NFKB1: variants seen among roughly 807,000 people sequenced by gnomAD.
NFKB1 encodes nuclear factor kappa B subunit 1, also known as nuclear factor NF-kappa-B p105 subunit.
In NFKB1, 9 loss-of-function variants were observed where a neutral mutation model predicts 105.1. The observed-to-expected ratio is 0.09, with a 90% CI of 0.05 to 0.15. The LOEUF (loss-of-function observed/expected upper bound fraction) is 0.15. Ranked by LOEUF, NFKB1 falls within the 10% of genes least tolerant of loss-of-function variation. The pLI is 1.00. For synonymous variants in NFKB1, 440 were observed against 442.2 expected, an observed-to-expected ratio of 1.00 and a Z score of 0.06; for missense variants, 830 against 1,203.7, an observed-to-expected ratio of 0.69 and a Z score of 4.59.
intron 5 of NFKB1, among the ~76,000 whole-genome samples, chr4:102,560,528 A>G (rs920398278): frequency 6.6e-6 from 1 of 152,206 alleles, no homozygotes; most frequent in African/African-American, 2.4e-5. Flanking sequence ...AGGTGAAAGA[A>G]TGTCAGTGAA....
chr4:102,583,015 T>G, intron 10 of NFKB1, 58 bp downstream of exon 10: 1 of 1,219,638 alleles, frequency 8.2e-7, no homozygotes, highest in Non-Finnish European at 1.2e-6. Context: ...GATCTCACTC[T>G]GACACCCAGG....
chr4:102,616,591 T>A lies in NFKB1; in HGVS notation c.2907T>A (p.Ile969=), dbSNP rs1039785081. 6.2e-6 allele frequency: 10 copies of A among 1,613,576 alleles called. No individual in the cohort carries two copies. The highest frequency in any genetic ancestry group is 4.5e-5 in the East Asian group (2 of 44,890). ...AGGAAGGACCTCTAGAAGGCAAAAT[T>A]TAGCCTGCTGACAATTTCCCACACC... is the stretch of plus-strand genomic sequence containing the variant. The part of the protein sequence containing the change: ...YGQEGPLEGK[I] The change falls in exon 24 of 24, where the codon ATT becomes ATA. Residue 969 remains isoleucine (I), a synonymous_variant. Coordinates refer to ENST00000226574, the MANE Select transcript of NFKB1 (RefSeq NM_003998.4).
intron 18 of NFKB1, 72 bp from the exon 19 acceptor site, chr4:102,607,577 C>G (rs1309846912): frequency 6.8e-7 from 1 of 1,466,714 alleles, no homozygotes; most frequent in African/African-American, 1.4e-5. Flanking sequence ...AGGAGCCATG[C>G]ACACTGGGAG....
chr4:102,543,123 G>A (rs952446176), intron 5 of NFKB1, among the ~76,000 whole-genome samples: 16 of 152,120 alleles, frequency 1.1e-4, no homozygotes, highest in African/African-American at 3.9e-4. Context: ...ACTCAGCAAG[G>A]AGTGCCAGGG....
At chr4:102,609,963 T>C (rs569245399) in intron 19 of NFKB1, among the ~76,000 whole-genome samples, 1 of 152,162 alleles carries the variant, frequency 6.6e-6, no homozygotes, top group South Asian at 2.1e-4. Context: ...TGATGTTTTG[T>C]TTATTTGTTT....
At chr4:102,528,033 T>G (rs1741038503) in intron 2 of NFKB1, among the ~76,000 whole-genome samples, 1 of 152,174 alleles carries the variant, frequency 6.6e-6, no homozygotes, top group African/African-American at 2.4e-5. Context: ...TGGTGGTTTA[T>G]ATTTCCTAAA....
At chr4:102,538,751 C>T (rs986352941) in intron 5 of NFKB1, among the ~76,000 whole-genome samples, 1 of 152,128 alleles carries the variant, frequency 6.6e-6, no homozygotes, top group Non-Finnish European at 1.5e-5. Context: ...TGCAGATAAA[C>T]GCAGTCAACA....
In NFKB1 at chr4:102,612,575, C is replaced by A. The variant is rs547514307; in HGVS notation, c.2561C>A (p.Ala854Asp). 12 of 1,613,898 alleles carry A rather than the reference C, an allele frequency of 7.4e-6. No individual in the cohort carries two copies. In the South Asian group the frequency reaches 1.2e-4, roughly 16 times the overall value. ...ILNNAFRLSP[A>D]PSKTLMDNYE... ...AATAATGCCTTCCGGCTGAGTCCTG[C>A]TCCTTCCAAAACACTTATGGACAAC... The change falls in exon 22 of 24, where the codon GCT (alanine) becomes GAT (aspartate). Residue 854 changes from alanine to aspartate, a missense_variant. By Grantham distance (126) the Ala-to-Asp change is moderately radical. This residue lies in a region of NFKB1 where 418 missense variants were observed against 575.3 expected (regional missense o/e 0.73). Transcript: ENST00000226574.
chr4:102,610,460 C>T, intron 19 of NFKB1, 115 bp from the exon 20 acceptor site: 1 of 977,286 alleles, frequency 1.0e-6, no homozygotes, highest in South Asian at 2.2e-5. Flanking sequence ...AAAAATTATC[C>T]AGGAGATTGC....
intron 7 of NFKB1, 105 bp from the exon 8 acceptor site, chr4:102,578,776 A>T (rs1725073404): frequency 5.9e-6 from 7 of 1,196,138 alleles, no homozygotes; most frequent in Non-Finnish European, 8.1e-6. Flanking sequence ...AAGAGGAAAA[A>T]TGGGTTTTTA....
At chr4:102,572,255 G>A (rs1183653431) in intron 6 of NFKB1, among the ~76,000 whole-genome samples, 1 of 149,968 alleles carries the variant, frequency 6.7e-6, no homozygotes, top group Non-Finnish European at 1.5e-5. Flanking sequence ...AACACTGCAT[G>A]TTCTCACTCA....
At chr4:102,526,425 A>G (rs1740916062) in intron 2 of NFKB1, among the ~76,000 whole-genome samples, 1 of 152,084 alleles carries the variant, frequency 6.6e-6, no homozygotes, top group Admixed American at 6.6e-5. Flanking sequence ...AGTGTTGGAT[A>G]CCCTAAAAAC....
At chr4:102,550,308 A>G (rs1722477438) in intron 5 of NFKB1, among the ~76,000 whole-genome samples, 1 of 151,990 alleles carries the variant, frequency 6.6e-6, no homozygotes, top group Admixed American at 6.6e-5. Flanking sequence ...CTATACCTTC[A>G]CTACCCCAGT....
chr4:102,569,346 A>G (rs952259523), intron 6 of NFKB1, among the ~76,000 whole-genome samples: 8 of 152,140 alleles, frequency 5.3e-5, no homozygotes, highest in African/African-American at 1.9e-4. Flanking sequence ...ACAGAATCTT[A>G]TCTTCAGGCT....
rs537251829 is a variant in NFKB1 at position 102,548,384 on chromosome 4, G to C, written c.258+10428G>C. 5.9e-5 allele frequency among the ~76,000 whole-genome samples: 9 copies of C among 152,252 alleles called. 1 individual carries two copies. Among genetic ancestry groups the C allele is most frequent in the Admixed American group, 4.6e-4 (7 of 15,288 alleles). On this transcript the variant is annotated intron_variant, in intron 5 of 23. Transcript: ENST00000226574. ...CTGGCCCATGGGGAGGCGATCACCAGGTGGCAATTGTATAATGCAGATATC... is the reference window on the plus strand; with the variant it reads ...CTGGCCCATGGGGAGGCGATCACCACGTGGCAATTGTATAATGCAGATATC...
chr4:102,511,500 C>A (rs1739778529), intron 1 of NFKB1, among the ~76,000 whole-genome samples: 2 of 152,026 alleles, frequency 1.3e-5, no homozygotes, highest in South Asian at 4.2e-4. Flanking sequence ...AATAGCGAGA[C>A]CCCAGTCTCT....
rs534959733 is a variant in NFKB1, at chr4:102,548,433, G to A, written c.258+10477G>A. 5.3e-5 allele frequency among the ~76,000 whole-genome samples: 8 copies of A among 152,246 alleles called. No individual in the cohort carries two copies. In the South Asian group the frequency reaches 1.2e-3, roughly 24 times the overall value. Reference sequence around the variant, plus strand: ...TCTAGATTGGCCACATAGAGGAACCGGGAGGAGGTGTAGTACTGGAAACTG... The same window carrying A: ...TCTAGATTGGCCACATAGAGGAACCAGGAGGAGGTGTAGTACTGGAAACTG... On this transcript the variant is annotated intron_variant, in intron 5 of 23. Coordinates refer to ENST00000226574, the MANE Select transcript of NFKB1 (RefSeq NM_003998.4).
intron 11 of NFKB1, among the ~76,000 whole-genome samples, chr4:102,590,363 C>T (rs1726070394): frequency 1.3e-5 from 2 of 152,170 alleles, no homozygotes; most frequent in Non-Finnish European, 2.9e-5. Flanking sequence ...TCAGGAATTC[C>T]TTATACAGTC....
At chr4:102,570,628 A>G (rs967945586) in intron 6 of NFKB1, among the ~76,000 whole-genome samples, 3 of 152,118 alleles carry the variant, frequency 2.0e-5, no homozygotes, top group African/African-American at 7.2e-5. Context: ...GCTCTTTGAA[A>G]AATCACCACA....
Sources: allele counts gnomAD v4.1 joint callset (sites outside exome capture counted in the v4.1 genomes callset), GRCh38; gene constraint gnomAD v4.1.1; regional missense constraint gnomAD v4.1.1; transcripts MANE v1.5; gene names NCBI Gene and HGNC (gene_info 2026-07-23, HGNC 2026-07-21).